Variants in KIF13B observed in about 807,000 individuals in gnomAD.
KIF13B encodes the protein kinesin family member 13B, also known as kinesin-like protein KIF13B.
A neutral mutation model predicts 222.0 loss-of-function variants in KIF13B; 127 were observed. The ratio of observed to expected loss-of-function variants is 0.57; its 90% confidence interval spans 0.50 to 0.66. The LOEUF is 0.66. Among genes scored for constraint, KIF13B ranks in the 30% least tolerant of loss-of-function variants. The probability of loss-of-function intolerance (pLI) is 0.00; values close to 1 mark genes in which losing one functional copy is unlikely to be tolerated. For synonymous variants in KIF13B, 976 were observed against 919.0 expected (o/e 1.06, Z -1.12); for missense variants, 2,173 against 2,379.0 (o/e 0.91, Z 1.80).
At chr8:29,162,056 G>C (rs1490474423) in intron 12 of KIF13B, among the ~76,000 whole-genome samples, 2 of 152,120 alleles carry the variant, frequency 1.3e-5, no homozygotes, top group African/African-American at 4.8e-5. Flanking sequence ...TACAATATAT[G>C]AACATCTGTA....
intron 21 of KIF13B, among the ~76,000 whole-genome samples, chr8:29,138,107 C>T (rs1196693684): frequency 1.3e-5 from 2 of 152,156 alleles, no homozygotes; most frequent in East Asian, 1.9e-4. Flanking sequence ...CCTTGCACTT[C>T]GAGAGGCTGA....
intron 36 of KIF13B, among the ~76,000 whole-genome samples, chr8:29,095,883 A>G (rs926422737): frequency 1.3e-5 from 2 of 152,326 alleles, no homozygotes; most frequent in East Asian, 1.9e-4. Context: ...AAATAATCTG[A>G]AAAAAACAAA....
At chr8:29,263,132 G>T, upstream of KIF13B, 1 of 1,206,462 alleles carries the variant, frequency 8.3e-7, no homozygotes, top group Non-Finnish European at 1.2e-6. Context: ...GGCGGAGCCG[G>T]GGGTGGGGAC....
Position 29,071,494 on chromosome 8 carries a change from CAGCCA to C in KIF13B, c.5218+121_5218+125del. The C allele has an allele frequency of 1.2e-6, 1 of 840,248 alleles. No individual in the cohort carries two copies. The highest frequency in any genetic ancestry group is 2.6e-5 in the Admixed American group (1 of 38,694). The allele number at this position is 840,248 out of a possible 1,614,324, so 52.0% of individuals were successfully genotyped here. Reference sequence around the variant, plus strand: ...GCAGGCCCAGCCGCTCCCGCAGCTTCAGCCAAGCCGCTGCCTCCCGGCCCCTCCCT... The same window carrying C: ...GCAGGCCCAGCCGCTCCCGCAGCTTCAGCCGCTGCCTCCCGGCCCCTCCCT... On this transcript the variant is annotated intron_variant, in intron 39 of 39. Transcript: ENST00000524189. This position sits in a 1 kb window ranked among gnomAD's most constrained non-coding sequence, Gnocchi z 4.9.
chr8:29,146,175 A>G, intron 18 of KIF13B: 4 of 623,408 alleles, frequency 6.4e-6, no homozygotes, highest in Non-Finnish European at 1.1e-5. Context: ...GATGCAGAGT[A>G]TATTCCCCTA....
intron 37 of KIF13B, among the ~76,000 whole-genome samples, chr8:29,075,615 C>CA (rs1807521440): frequency 1.3e-5 from 2 of 152,354 alleles, no homozygotes; most frequent in South Asian, 4.1e-4. Context: ...ATCACATATG[C>CA]ACATGTGAAC....
At chr8:29,239,131 C>T (rs962434817) in intron 2 of KIF13B, among the ~76,000 whole-genome samples, 2 of 152,136 alleles carry the variant, frequency 1.3e-5, no homozygotes. Context: ...TGTGCATACC[C>T]GCCCAGCCCC....
chr8:29,238,166 T>C (rs965564553), intron 2 of KIF13B, among the ~76,000 whole-genome samples: 1 of 152,244 alleles, frequency 6.6e-6, no homozygotes, highest in African/African-American at 2.4e-5. Flanking sequence ...TAAATTAGCA[T>C]CCATATAGCA....
At chr8:29,166,095 CT>C (rs1811987688) in intron 11 of KIF13B, among the ~76,000 whole-genome samples, 1 of 152,200 alleles carries the variant, frequency 6.6e-6, no homozygotes, top group African/African-American at 2.4e-5. Flanking sequence ...TACATCTAGA[CT>C]CAGACACATG....
intron 36 of KIF13B, 72 bp downstream of exon 36, chr8:29,099,061 A>G (rs1808670562): frequency 1.7e-6 from 2 of 1,208,512 alleles, no homozygotes; most frequent in Non-Finnish European, 1.2e-6. Context: ...GCCTGGCAGG[A>G]AATTCTAATT....
chr8:29,088,657 G>C (rs1217838134), intron 37 of KIF13B, among the ~76,000 whole-genome samples: 2 of 152,162 alleles, frequency 1.3e-5, no homozygotes, highest in Admixed American at 1.3e-4. Flanking sequence ...AAAAAAATGA[G>C]GAACACTAAA....
chr8:29,070,378 G>T lies in KIF13B; in HGVS notation c.*126C>A. 9.4e-7 allele frequency: 1 copy of T among 1,063,394 alleles called. No homozygotes were observed. Among genetic ancestry groups the T allele is most frequent in the Non-Finnish European group, 1.4e-6 (1 of 735,062 alleles). 65.9% of individuals were successfully genotyped at this position (1,063,394 alleles called of 1,614,324 possible). ...AGGGAGGTCACCAGCCCTGTGTCGT[G>T]CAAAAAGCATTCATCGCCCTGCCCC... On this transcript the variant is annotated 3_prime_UTR_variant, in exon 40 of 40. Transcript: ENST00000524189. The surrounding 1 kb of genome is among the most constrained non-coding windows in gnomAD (Gnocchi z 4.1).
intron 21 of KIF13B, among the ~76,000 whole-genome samples, chr8:29,137,787 TAC>T (rs1249711481): frequency 2.0e-5 from 3 of 152,162 alleles, no homozygotes; most frequent in African/African-American, 4.8e-5. Context: ...GGACAGGAAA[TAC>T]ACAAGATGAG....
rs573102585 is a variant in KIF13B at position 29,139,896 on chromosome 8, C to A, written c.2613+167G>T. On this transcript the variant is annotated intron_variant, in intron 21 of 39. Transcript: ENST00000524189. The stretch of plus-strand genomic sequence containing the variant: ...GAGTGGGGGAGGCTCTGCTCTACTT[C>A]CAAAATTTGAAAAGGAACATAATAC... 1.2e-3 allele frequency: 757 copies of A among 641,740 alleles called. 3 individuals are homozygous for A. The highest frequency in any genetic ancestry group is 1.3e-3 in the Non-Finnish European group (488 of 389,624). 39.8% of individuals were successfully genotyped at this position (641,740 alleles called of 1,614,324 possible).
intron 6 of KIF13B, among the ~76,000 whole-genome samples, chr8:29,185,640 T>A (rs889002571): frequency 3.3e-5 from 5 of 152,242 alleles, no homozygotes; most frequent in Non-Finnish European, 7.3e-5. Flanking sequence ...CCTCTTTTCC[T>A]TGATCATCTT....
intron 10 of KIF13B, among the ~76,000 whole-genome samples, chr8:29,175,157 G>A (rs2130235651): frequency 6.6e-6 from 1 of 152,274 alleles, no homozygotes. Context: ...AGGATTTAGT[G>A]AGGTGACACC....
At chr8:29,171,063 T>C (rs144156069) in intron 10 of KIF13B, among the ~76,000 whole-genome samples, 1 of 152,308 alleles carries the variant, frequency 6.6e-6, no homozygotes, top group East Asian at 1.9e-4. Flanking sequence ...GGGAAACGAC[T>C]GTCATCCAGG....
At chr8:29,137,894 C>A (rs765360918) in intron 21 of KIF13B, among the ~76,000 whole-genome samples, 1 of 152,194 alleles carries the variant, frequency 6.6e-6, no homozygotes, top group Non-Finnish European at 1.5e-5. Flanking sequence ...ACTGAAGCGG[C>A]TCCCACTGGC....
At chr8:29,199,081 A>ATTTTTTTT (rs1435870446) in intron 2 of KIF13B, among the ~76,000 whole-genome samples, 6 of 151,562 alleles carry the variant, frequency 4.0e-5, no homozygotes, top group African/African-American at 9.7e-5. Context: ...AAAAAAATAA[A>ATTTTTTTT]ATTTTTTAAA....
Sources: gnomAD v4.1 joint callset for allele counts (sites outside exome capture counted in the v4.1 genomes callset) on GRCh38, gnomAD v4.1.1 for gene constraint, Gnocchi (gnomAD v3.1) non-coding constraint, MANE v1.5 for transcripts, NCBI Gene and HGNC (gene_info 2026-07-23, HGNC 2026-07-21) for gene names.